ADAP1: variants seen among roughly 807,000 people sequenced by gnomAD.
ADAP1 encodes the protein ArfGAP with dual PH domains 1, also known as arf-GAP with dual PH domain-containing protein 1.
ADAP1 carries 31 observed loss-of-function variants against 54.9 expected under a neutral mutation model. The observed-to-expected ratio is 0.56, with a 90% CI of 0.42 to 0.76. The LOEUF (loss-of-function observed/expected upper bound fraction) is 0.76. Ranked by LOEUF, ADAP1 falls within the 30% of genes least tolerant of loss-of-function variation. ADAP1 has a pLI of 0.00. For synonymous variants in ADAP1, 313 were observed against 202.6 expected (o/e 1.55, Z -4.63); for missense variants, 535 against 512.4 (o/e 1.04, Z -0.42).
At chr7:913,579 T>A (rs768665110) in intron 4 of ADAP1, among the ~76,000 whole-genome samples, 4 of 152,152 alleles carry the variant, frequency 2.6e-5, no homozygotes, top group Non-Finnish European at 5.9e-5. Context: ...TCCCCTGTTA[T>A]AATCCCCTTA....
At chr7:951,179 C>T (rs923732273) in intron 1 of ADAP1, among the ~76,000 whole-genome samples, 2 of 152,020 alleles carry the variant, frequency 1.3e-5, no homozygotes, top group Non-Finnish European at 2.9e-5. Context: ...CGGAGACCAT[C>T]CTGGCTAACA....
At chr7:925,959 C>T (rs893982023) in intron 3 of ADAP1, among the ~76,000 whole-genome samples, 5 of 152,176 alleles carry the variant, frequency 3.3e-5, no homozygotes, top group Admixed American at 2.0e-4. Flanking sequence ...GGGGTCGGTG[C>T]GAACAGTCAG....
intron 6 of ADAP1, among the ~76,000 whole-genome samples, chr7:902,435 G>T (rs1299630621): frequency 1.4e-5 from 2 of 145,742 alleles, no homozygotes; most frequent in Non-Finnish European, 3.0e-5. Flanking sequence ...TCCAGCCTGG[G>T]TGACAAGGGC....
At chr7:954,843 C>CA (rs942233576), upstream of ADAP1, 6 of 592,590 alleles carry the variant, frequency 1.0e-5, no homozygotes, top group African/African-American at 1.2e-4. Flanking sequence ...GCCCGCCCCC[C>CA]ATCCGCGCGC....
chr7:904,358 C>A (rs192616571), intron 5 of ADAP1, 86 bp from the exon 6 acceptor site: 3 of 1,484,638 alleles, frequency 2.0e-6, no homozygotes, highest in Non-Finnish European at 2.7e-6. Context: ...TGGGTGCTGG[C>A]GGCGCACCTG....
intron 1 of ADAP1, among the ~76,000 whole-genome samples, chr7:953,797 C>T (rs1002145356): frequency 1.1e-4 from 16 of 152,224 alleles, no homozygotes; most frequent in Non-Finnish European, 5.9e-5. Context: ...GGAGAACGAA[C>T]GGGCGGGCGG....
rs367570940 is a variant in ADAP1, at chr7:938,270, G to T, written c.83-2765C>A. On this transcript the variant is annotated intron_variant, in intron 1 of 10. Coordinates refer to ENST00000265846, the MANE Select transcript of ADAP1 (RefSeq NM_006869.4). The surrounding 1 kb of genome is among the most constrained non-coding windows in gnomAD (Gnocchi z 4.4). ...CTCACAGCTCACTGCAGCCTCCAAC[G>T]CCTGGGCTCAAGCGATCCTCCTGCC... Among the ~76,000 whole-genome samples the T allele has an allele frequency of 1.1e-4, 16 of 152,130 alleles. No homozygotes were observed. The East Asian group carries it at 1.4e-3, about 13-fold the overall frequency.
chr7:907,021 G>T lies in ADAP1; in HGVS notation c.389-1849C>A, dbSNP rs58750095. Among the ~76,000 whole-genome samples the T allele has an allele frequency of 2.6e-5, 4 of 152,186 alleles. No homozygotes were observed. In the South Asian group the frequency reaches 8.3e-4, roughly 32 times the overall value. On this transcript the variant is annotated intron_variant, in intron 4 of 10. Transcript: ENST00000265846. ...CAGAGGCAGGGCTGGGTCCAACCTC[G>T]TGCTGCCCGGGAGGACCAGGCTGGC...
chr7:904,953 A>G, intron 5 of ADAP1, 107 bp downstream of exon 5: 1 of 923,124 alleles, frequency 1.1e-6, no homozygotes, highest in Non-Finnish European at 1.7e-6. Flanking sequence ...CGGGGGGGGC[A>G]GCAGGGAGGG....
At chr7:904,308 C>G (rs200768051) in intron 5 of ADAP1, 36 bp from the exon 6 acceptor site, 1 of 1,531,800 alleles carries the variant, frequency 6.5e-7, no homozygotes. Context: ...CTCACAGGGG[C>G]CGTCGTCCAA....
At chr7:922,319 G>C (rs1198845504) in intron 3 of ADAP1, among the ~76,000 whole-genome samples, 1 of 152,124 alleles carries the variant, frequency 6.6e-6, no homozygotes, top group African/African-American at 2.4e-5. Flanking sequence ...CCCCTTCAAG[G>C]CCAGGGCCTC....
At chr7:952,216 G>A (rs1247930975) in intron 1 of ADAP1, among the ~76,000 whole-genome samples, 1 of 152,216 alleles carries the variant, frequency 6.6e-6, no homozygotes, top group Non-Finnish European at 1.5e-5. Flanking sequence ...TTTGGAAGGA[G>A]CTTCTGTGGG....
At chr7:900,401 G>A in intron 7 of ADAP1, 132 bp downstream of exon 7, 1 of 1,066,276 alleles carries the variant, frequency 9.4e-7, no homozygotes, top group Admixed American at 2.2e-5. Context: ...GCACGTCAGG[G>A]TGAGCCCTTG....
chr7:944,963 T>C (rs1382674330), intron 1 of ADAP1, among the ~76,000 whole-genome samples: 1 of 151,714 alleles, frequency 6.6e-6, no homozygotes, highest in East Asian at 1.9e-4. Context: ...TCTGGGAGAG[T>C]GACCTCGGAA....
Position 926,243 on chromosome 7 carries a change from A to G in ADAP1, c.305+310T>C, listed in dbSNP as rs1375902116. Among the ~76,000 whole-genome samples the G allele has an allele frequency of 6.6e-6, 1 of 151,466 alleles. No homozygotes were observed. Among genetic ancestry groups the G allele is most frequent in the Admixed American group, 6.6e-5 (1 of 15,206 alleles). Reference sequence around the variant, plus strand: ...CCTCCCGTTCCCCTCCCAGACCGCCAGGAGCACCTGGGAGGGCCCCTCAGA... The same window carrying G: ...CCTCCCGTTCCCCTCCCAGACCGCCGGGAGCACCTGGGAGGGCCCCTCAGA... On this transcript the variant is annotated intron_variant, in intron 3 of 10. Coordinates refer to ENST00000265846, the MANE Select transcript of ADAP1 (RefSeq NM_006869.4). This position sits in a 1 kb window ranked among gnomAD's most constrained non-coding sequence, Gnocchi z 4.6.
At chr7:922,880 T>G (rs1846241500) in intron 3 of ADAP1, 1 of 125,886 alleles carries the variant, frequency 7.9e-6, no homozygotes, top group Non-Finnish European at 1.6e-5. Context: ...CCATTGTCTA[T>G]CCTGGGTGTT....
chr7:951,359 C>A (rs548355198), intron 1 of ADAP1, among the ~76,000 whole-genome samples: 1 of 148,298 alleles, frequency 6.7e-6, no homozygotes, highest in African/African-American at 2.5e-5. Flanking sequence ...GGCGACAGAG[C>A]GAGACTCCGT....
chr7:898,814 GAGC>G lies in ADAP1; in HGVS notation c.*104_*106del. The stretch of plus-strand genomic sequence containing the variant: ...CCTGGCCGCGCCGGGCTGCCCTGAG[GAGC>G]AGGTGGGGCCAGGTGGCCTCAGGAC... On this transcript the variant is annotated 3_prime_UTR_variant, in exon 11 of 11. Coordinates refer to ENST00000265846, the MANE Select transcript of ADAP1 (RefSeq NM_006869.4). The G allele has an allele frequency of 6.8e-7, 1 of 1,476,386 alleles. No individual in the cohort carries two copies. Among genetic ancestry groups the G allele is most frequent in the African/African-American group, 1.4e-5 (1 of 71,750 alleles). The allele number at this position is 1,476,386 out of a possible 1,614,324, so 91.5% of individuals were successfully genotyped here. A position where few individuals can be genotyped will look rare whatever the true frequency, so the allele number is the denominator to read the frequency against.
intron 4 of ADAP1, among the ~76,000 whole-genome samples, chr7:906,077 A>G (rs796571423): frequency 8.3e-5 from 1 of 12,112 alleles, no homozygotes; most frequent in Non-Finnish European, 1.2e-4. Context: ...GAAAGGAGAA[A>G]GGGAAAGGAG....
Sources: allele counts gnomAD v4.1 joint callset (sites outside exome capture counted in the v4.1 genomes callset), GRCh38; gene constraint gnomAD v4.1.1; non-coding constraint Gnocchi (gnomAD v3.1); transcripts MANE v1.5; gene names NCBI Gene and HGNC (gene_info 2026-07-23, HGNC 2026-07-21).